Variants in FBLN7 observed in about 807,000 individuals in gnomAD.
The protein encoded by FBLN7 is fibulin-7.
A neutral mutation model predicts 44.0 loss-of-function variants in FBLN7; 31 were observed. That is an observed-to-expected ratio of 0.70 (90% CI 0.53 to 0.95). FBLN7 has a LOEUF of 0.95. Ranked by LOEUF, FBLN7 falls within the 40% of genes least tolerant of loss-of-function variation. The probability of loss-of-function intolerance (pLI) is 0.00; values close to 1 mark genes in which losing one functional copy is unlikely to be tolerated. For synonymous variants in FBLN7, 262 were observed against 253.4 expected, an observed-to-expected ratio of 1.03 and a Z score of -0.32; for missense variants, 573 against 618.5, an observed-to-expected ratio of 0.93 and a Z score of 0.78.
intron 3 of FBLN7, among the ~76,000 whole-genome samples, chr2:112,172,627 C>CTTTTTTTTT (rs35062438): frequency 1.5e-3 from 133 of 88,140 alleles, no homozygotes; most frequent in Middle Eastern, 0.012. Flanking sequence ...CTTTTTCTTT[C>CTTTTTTTTT]TTTTTTTTTT....
At position 112,185,108 on chromosome 2, in the gene FBLN7, C is replaced by T. The variant is rs1683202542; in HGVS notation, c.809-93C>T. 2.0e-6 allele frequency: 3 copies of T among 1,506,206 alleles called. No homozygotes were observed. The South Asian group carries it at 3.8e-5, about 19-fold the overall frequency. 93.3% of individuals were successfully genotyped at this position (1,506,206 alleles called of 1,614,324 possible). On this transcript the variant is annotated intron_variant, in intron 6 of 7. Coordinates refer to ENST00000331203, the MANE Select transcript of FBLN7 (RefSeq NM_153214.3). ...TAAGTGCCAGGAGCAGGGAGCACCA[C>T]ATTACAGGACCTGCAGGGCCTCTCA... is the stretch of plus-strand genomic sequence containing the variant.
At chr2:112,155,978 G>A (rs1265255123) in intron 1 of FBLN7, among the ~76,000 whole-genome samples, 2 of 152,168 alleles carry the variant, frequency 1.3e-5, no homozygotes, top group Non-Finnish European at 2.9e-5. Flanking sequence ...CCATGTACCC[G>A]GGGCAGCTGC....
intron 1 of FBLN7, among the ~76,000 whole-genome samples, chr2:112,159,398 C>T (rs1417152369): frequency 6.6e-6 from 1 of 152,112 alleles, no homozygotes; most frequent in Non-Finnish European, 1.5e-5. Flanking sequence ...AGAGTGGCAG[C>T]GTGGTGATTA....
chr2:112,203,039 A>C, the FBLN7 span, among the ~76,000 whole-genome samples: 36 of 152,130 alleles, frequency 2.4e-4, no homozygotes, highest in Admixed American at 3.9e-4. Context: ...AAAAAACAAA[A>C]ACAAACAAAC....
intron 6 of FBLN7, among the ~76,000 whole-genome samples, chr2:112,183,276 G>C (rs1478553489): frequency 6.6e-6 from 1 of 152,190 alleles, no homozygotes; most frequent in African/African-American, 2.4e-5. Flanking sequence ...CCCATGTCAT[G>C]TAATCTGGAG....
At chr2:112,166,110 G>A (rs1351153711) in intron 3 of FBLN7, among the ~76,000 whole-genome samples, 1 of 152,200 alleles carries the variant, frequency 6.6e-6, no homozygotes, top group Non-Finnish European at 1.5e-5. Context: ...GAGTGCAGTG[G>A]CATAATCTCA....
At chr2:112,144,523 C>CTTTTTT (rs35764058) in intron 1 of FBLN7, among the ~76,000 whole-genome samples, 22 of 123,788 alleles carry the variant, frequency 1.8e-4, no homozygotes, top group East Asian at 4.4e-4. Context: ...GTTTTCTTTT[C>CTTTTTT]TTTTTTTTTT....
At position 112,187,265 on chromosome 2, in the gene FBLN7, C is replaced by T; in HGVS notation, c.1079C>T (p.Ala360Val). The T allele has an allele frequency of 1.9e-6, 3 of 1,614,212 alleles. No individual in the cohort carries two copies. Among genetic ancestry groups the T allele is most frequent in the Non-Finnish European group, 1.7e-6 (2 of 1,180,052 alleles). ...TPITLFRMAT[A>V]SAPGRAGPNS... ...ATCACGCTCTTCCGCATGGCCACAG[C>T]CTCTGCCCCCGGCCGAGCTGGGCCC... The change falls in exon 8 of 8, where the codon GCC (alanine) becomes GTC (valine). Residue 360 changes from alanine (A) to valine (V), a missense_variant. Coordinates refer to ENST00000331203, the MANE Select transcript of FBLN7 (RefSeq NM_153214.3). The surrounding 1 kb of genome is among the most constrained non-coding windows in gnomAD (Gnocchi z 5.1).
At chr2:112,238,300 T>A in the FBLN7 span, 1 of 1,607,736 alleles carries the variant, frequency 6.2e-7, no homozygotes, top group Middle Eastern at 1.7e-4. Context: ...AATGATAAAA[T>A]AGTTTGACTC....
chr2:112,226,669 T>G, the FBLN7 span, among the ~76,000 whole-genome samples: 15 of 151,802 alleles, frequency 9.9e-5, no homozygotes, highest in African/African-American at 3.6e-4. Flanking sequence ...TCATGAATTC[T>G]TCCAGAAAAT....
intron 1 of FBLN7, among the ~76,000 whole-genome samples, chr2:112,141,523 G>A (rs1038881673): frequency 1.3e-5 from 2 of 152,202 alleles, no homozygotes; most frequent in Non-Finnish European, 2.9e-5. Flanking sequence ...GCACCACAGG[G>A]AGATACTCAG....
the FBLN7 span, chr2:112,214,966 C>G: frequency 2.0e-4 from 31 of 151,810 alleles, no homozygotes; most frequent in African/African-American, 6.8e-4. Flanking sequence ...CTTCTGAGTC[C>G]CTCAAATCTC....
chr2:112,152,643 A>C (rs1302537236), intron 1 of FBLN7: 1 of 152,164 alleles, frequency 6.6e-6, no homozygotes, highest in African/African-American at 2.4e-5. Flanking sequence ...TTCGCCTCCT[A>C]GTGTGGGTGG....
chr2:112,184,381 GTGGGTGACC>G (rs1683145825), intron 6 of FBLN7, among the ~76,000 whole-genome samples: 1 of 152,218 alleles, frequency 6.6e-6, no homozygotes. Context: ...GCTCTGAGGA[GTGGGTGACC>G]TGGGGCTGGA....
the FBLN7 span, among the ~76,000 whole-genome samples, chr2:112,205,376 A>G: frequency 6.6e-6 from 1 of 152,074 alleles, no homozygotes; most frequent in Non-Finnish European, 1.5e-5. Flanking sequence ...ACTGTTATAT[A>G]TGCATACATT....
At chr2:112,184,385 G>C (rs781694881) in intron 6 of FBLN7, among the ~76,000 whole-genome samples, 3 of 152,152 alleles carry the variant, frequency 2.0e-5, no homozygotes, top group Non-Finnish European at 2.9e-5. Context: ...TGAGGAGTGG[G>C]TGACCTGGGG....
At chr2:112,206,331 A>T in the FBLN7 span, among the ~76,000 whole-genome samples, 1 of 151,956 alleles carries the variant, frequency 6.6e-6, no homozygotes, top group African/African-American at 2.4e-5. Flanking sequence ...GGTTTAACTG[A>T]CTTTTTTTCA....
chr2:112,180,913 A>T (rs1336784708), intron 4 of FBLN7, among the ~76,000 whole-genome samples: 1 of 108,738 alleles, frequency 9.2e-6, no homozygotes, highest in Non-Finnish European at 1.7e-5. Context: ...ACAGAGTGAG[A>T]CTCTGTCTCA....
chr2:112,186,414 C>T (rs72942097), intron 7 of FBLN7, among the ~76,000 whole-genome samples: 2,139 of 152,162 alleles, frequency 0.014, 55 homozygotes, highest in African/African-American at 0.048. Flanking sequence ...CCGAGGAGGG[C>T]GGATCCCTTG....
Sources: allele counts gnomAD v4.1 joint callset (sites outside exome capture counted in the v4.1 genomes callset), GRCh38; gene constraint gnomAD v4.1.1; non-coding constraint Gnocchi (gnomAD v3.1); transcripts MANE v1.5; gene names NCBI Gene and HGNC (gene_info 2026-07-23, HGNC 2026-07-21).